DNM1L: variants seen among roughly 807,000 people sequenced by gnomAD.
DNM1L encodes dynamin 1L.
Under a neutral mutation model 92.8 loss-of-function variants are expected in DNM1L, and 33 were observed. The ratio of observed to expected loss-of-function variants is 0.36; its 90% CI spans 0.27 to 0.48. The LOEUF (loss-of-function observed/expected upper bound fraction) is 0.48, where lower values mean the gene tolerates loss of function less well. Among genes scored for constraint, DNM1L ranks in the 20% least tolerant of loss-of-function variants. The pLI, the probability that DNM1L is intolerant of heterozygous loss-of-function variation, is 0.99. For missense variants in DNM1L, 485 were observed against 888.8 expected, an observed-to-expected ratio of 0.55 and a Z score of 5.78; for synonymous variants, 284 against 305.0, an observed-to-expected ratio of 0.93 and a Z score of 0.72.
chr12:32,684,907 G>A (rs1473170812), intron 1 of DNM1L, among the ~76,000 whole-genome samples: 2 of 151,280 alleles, frequency 1.3e-5, no homozygotes, highest in Non-Finnish European at 2.9e-5. Flanking sequence ...AATGCTCTGC[G>A]AACATTCGTT....
At chr12:32,736,854 G>A in intron 13 of DNM1L, 1 of 472,830 alleles carries the variant, frequency 2.1e-6, no homozygotes, top group South Asian at 2.4e-5. Flanking sequence ...AGAATCCCCA[G>A]TACAGGGAGC....
At chr12:32,717,341 C>T (rs7138115) in intron 6 of DNM1L, among the ~76,000 whole-genome samples, 1 of 82,946 alleles carries the variant, frequency 1.2e-5, no homozygotes, top group Admixed American at 2.0e-4. Context: ...TTTATATATA[C>T]TATATATTAT....
intron 6 of DNM1L, among the ~76,000 whole-genome samples, chr12:32,715,818 G>A (rs929430900): frequency 6.6e-6 from 1 of 152,186 alleles, no homozygotes; most frequent in Non-Finnish European, 1.5e-5. Flanking sequence ...CACGTTGCTG[G>A]TGGGAGTGGT....
At chr12:32,702,620 CTTATT>C (rs573989262) in intron 2 of DNM1L, among the ~76,000 whole-genome samples, 141 of 151,690 alleles carry the variant, frequency 9.3e-4, no homozygotes, top group African/African-American at 3.1e-3. Context: ...CAAAATTGAA[CTTATT>C]TTAATTTCTG....
chr12:32,716,760 A>ATC lies in DNM1L; in HGVS notation c.620-1882_620-1881insCT, dbSNP rs1340241046. Reference sequence around the variant, plus strand: ...ATATATAGTATATATATATATATATATATAGTAACTGAAAATACCATAGGT... The same window carrying ATC: ...ATATATAGTATATATATATATATATATCTATAGTAACTGAAAATACCATAGGT... On this transcript the variant is annotated intron_variant, in intron 6 of 19. Transcript: ENST00000549701. 2.9e-3 allele frequency among the ~76,000 whole-genome samples: 427 copies of ATC among 146,942 alleles called. 9 individuals carry two copies. In the East Asian group the frequency reaches 0.052, roughly 18 times the overall value.
At chr12:32,717,103 A>G (rs28623708) in intron 6 of DNM1L, among the ~76,000 whole-genome samples, 1 of 120,792 alleles carries the variant, frequency 8.3e-6, no homozygotes, top group African/African-American at 3.3e-5. Context: ...TATATATTTT[A>G]TATATTTATA....
chr12:32,684,033 A>G (rs1951901440), intron 1 of DNM1L, among the ~76,000 whole-genome samples: 1 of 152,268 alleles, frequency 6.6e-6, no homozygotes, highest in African/African-American at 2.4e-5. Flanking sequence ...AACATTAAAA[A>G]TACTGAAATA....
intron 6 of DNM1L, among the ~76,000 whole-genome samples, chr12:32,718,228 G>T (rs187505072): frequency 0.013 from 1,935 of 150,140 alleles, 41 homozygotes; most frequent in African/African-American, 0.037. Context: ...TGCAACCTCT[G>T]CCTCTCGGGT....
At chr12:32,694,973 C>G (rs1952380811) in intron 1 of DNM1L, among the ~76,000 whole-genome samples, 5 of 152,114 alleles carry the variant, frequency 3.3e-5, no homozygotes, top group Admixed American at 3.3e-4. Flanking sequence ...TCTGAAGGGA[C>G]TAGCGCTCCT....
intron 6 of DNM1L, among the ~76,000 whole-genome samples, chr12:32,718,406 T>G (rs1312921268): frequency 1.3e-5 from 2 of 152,048 alleles, no homozygotes; most frequent in East Asian, 3.9e-4. Context: ...CCTTCCAAAC[T>G]GCTAGAATTA....
chr12:32,720,349 T>A (rs752877725), intron 7 of DNM1L, among the ~76,000 whole-genome samples: 1 of 152,204 alleles, frequency 6.6e-6, no homozygotes, highest in Non-Finnish European at 1.5e-5. Flanking sequence ...TGTCTATACC[T>A]GTTACTTATT....
intron 16 of DNM1L, 91 bp downstream of exon 16, chr12:32,738,387 G>A (rs1955050577): frequency 7.4e-7 from 1 of 1,357,124 alleles, no homozygotes; most frequent in African/African-American, 1.4e-5. Context: ...TGTTTGTGTA[G>A]TGGTATCTAT....
intron 1 of DNM1L, among the ~76,000 whole-genome samples, chr12:32,689,275 G>A (rs1219762828): frequency 6.6e-6 from 1 of 152,164 alleles, no homozygotes; most frequent in Non-Finnish European, 1.5e-5. Context: ...CTGGCTGACT[G>A]CAACTTCTGC....
chr12:32,730,693 A>G (rs1161352893), intron 9 of DNM1L, among the ~76,000 whole-genome samples: 1 of 152,252 alleles, frequency 6.6e-6, no homozygotes, highest in Non-Finnish European at 1.5e-5. Context: ...AATAAATATA[A>G]GGCACTGTTT....
intron 6 of DNM1L, among the ~76,000 whole-genome samples, chr12:32,717,815 TATAAA>T (rs374325153): frequency 0.026 from 2,357 of 92,168 alleles, 233 homozygotes; most frequent in African/African-American, 0.033. Flanking sequence ...ATATATATAC[TATAAA>T]ATATATATAG....
intron 13 of DNM1L, among the ~76,000 whole-genome samples, chr12:32,734,978 G>A (rs372733613): frequency 1.4e-4 from 22 of 152,134 alleles, no homozygotes; most frequent in African/African-American, 4.3e-4. Flanking sequence ...ATTCCAAAAT[G>A]CATACATGAG....
At chr12:32,729,813 A>C (rs979548288) in intron 9 of DNM1L, among the ~76,000 whole-genome samples, 1 of 152,168 alleles carries the variant, frequency 6.6e-6, no homozygotes, top group Non-Finnish European at 1.5e-5. Flanking sequence ...ATATAAATTG[A>C]ATCATTCAGT....
chr12:32,703,933 ACTT>A (rs1318893460), intron 2 of DNM1L, among the ~76,000 whole-genome samples: 3 of 152,162 alleles, frequency 2.0e-5, no homozygotes, highest in African/African-American at 7.2e-5. Flanking sequence ...CTTGCCCCCT[ACTT>A]CTGCCCATGT....
chr12:32,722,616 T>C lies in DNM1L; in HGVS notation c.1062T>C (p.Tyr354=). The C allele has an allele frequency of 1.2e-6, 2 of 1,612,412 alleles. No homozygotes were observed. The highest frequency in any genetic ancestry group is 1.7e-6 in the Non-Finnish European group (2 of 1,179,854). Reference sequence around the variant, plus strand: ...ACACTATTGAAGGAACTGCAAAATATATTGAAACTTCGGAGCTGTAAGTAA... The same window carrying C: ...ACACTATTGAAGGAACTGCAAAATACATTGAAACTTCGGAGCTGTAAGTAA... ...YCNTIEGTAK[Y]IETSELCGGA... is the part of the protein sequence containing the mutation. Residue 354 remains tyrosine (Y), a synonymous_variant, in exon 9 of 20, where the codon TAT becomes TAC. Coordinates refer to ENST00000549701, the MANE Select transcript of DNM1L (RefSeq NM_012062.5).
Sources: allele counts gnomAD v4.1 joint callset (sites outside exome capture counted in the v4.1 genomes callset), GRCh38; gene constraint gnomAD v4.1.1; transcripts MANE v1.5; gene names NCBI Gene and HGNC (gene_info 2026-07-23, HGNC 2026-07-21).